The following NT5DC1 variants were observed in gnomAD, a reference collection of about 807,000 sequenced individuals.
NT5DC1 encodes the protein 5'-nucleotidase domain containing 1.
NT5DC1 carries 42 observed loss-of-function variants against 59.4 expected under a neutral mutation model. That is an observed-to-expected ratio of 0.71 (90% CI 0.55 to 0.92). The LOEUF is 0.92. NT5DC1 is among the 40% of genes least tolerant of loss of function. The probability of loss-of-function intolerance (pLI) is 0.00; values close to 1 mark genes in which losing one functional copy is unlikely to be tolerated. For synonymous variants in NT5DC1, 172 were observed against 188.1 expected, an observed-to-expected ratio of 0.91 and a Z score of 0.70; for missense variants, 501 against 537.1, an observed-to-expected ratio of 0.93 and a Z score of 0.66.
chr6:116,223,269 A>G, intron 8 of NT5DC1, 138 bp downstream of exon 8: 1 of 524,410 alleles, frequency 1.9e-6, no homozygotes, highest in Non-Finnish European at 3.4e-6. Context: ...TGTTTGTATT[A>G]AATTTTATGC....
At chr6:116,106,211 T>C (rs1778763503) in intron 1 of NT5DC1, 33 bp from the exon 2 acceptor site, 1 of 1,014,286 alleles carries the variant, frequency 9.9e-7, no homozygotes, top group African/African-American at 1.6e-5. Context: ...GTGGGTGTTA[T>C]ATTTAATCTG....
chr6:116,169,061 A>C (rs1780546037), intron 6 of NT5DC1, among the ~76,000 whole-genome samples: 2 of 152,170 alleles, frequency 1.3e-5, no homozygotes, highest in South Asian at 2.1e-4. Flanking sequence ...TTGTCCTCCA[A>C]GCCTCTTGAA....
intron 6 of NT5DC1, among the ~76,000 whole-genome samples, chr6:116,202,402 T>G (rs984490782): frequency 1.3e-5 from 2 of 152,018 alleles, no homozygotes; most frequent in African/African-American, 4.8e-5. Flanking sequence ...TAAAATTCAC[T>G]GAGTTTTGTT....
chr6:116,162,508 G>GT lies in NT5DC1; in HGVS notation c.529+44569dup, dbSNP rs774693774. On this transcript the variant is annotated intron_variant, in intron 6 of 11. Coordinates refer to ENST00000319550, the MANE Select transcript of NT5DC1 (RefSeq NM_152729.3). ...GAAGAGATGTTGGATTTTATTGCAT[G>GT]TTTTTTCTGCATATTGAGATGATCA... is the stretch of plus-strand genomic sequence containing the variant. Among the ~76,000 whole-genome samples, 10 of 152,200 alleles carry GT rather than the reference G, an allele frequency of 6.6e-5. No homozygotes were observed. The East Asian group carries it at 1.2e-3, about 18-fold the overall frequency.
At chr6:116,139,264 C>T (rs1779704218) in intron 6 of NT5DC1, among the ~76,000 whole-genome samples, 2 of 152,054 alleles carry the variant, frequency 1.3e-5, no homozygotes, top group Non-Finnish European at 2.9e-5. Flanking sequence ...CTACTAGTAA[C>T]AATTTGTGGG....
At chr6:116,137,423 A>C (rs1779638024) in intron 6 of NT5DC1, 1 of 158,258 alleles carries the variant, frequency 6.3e-6, no homozygotes, top group African/African-American at 2.4e-5. Context: ...CCAGCTTCAG[A>C]ATCTTCTCAC....
chr6:116,158,508 C>T (rs895366442), intron 6 of NT5DC1: 5 of 152,172 alleles, frequency 3.3e-5, no homozygotes, highest in Non-Finnish European at 5.9e-5. Context: ...TTTATCTCTT[C>T]AGAGAAATTA....
Position 116,223,146 on chromosome 6 carries a change from G to A in NT5DC1, c.802+15G>A, listed in dbSNP as rs758663900. ...CCGGACACTCGGTAAGTTACATTTG[G>A]TTTCTTTCTTTTCCTGTATACAGTT... On this transcript the variant is annotated intron_variant, in intron 8 of 11. Transcript: ENST00000319550. 6 of 1,440,138 alleles carry A rather than the reference G, an allele frequency of 4.2e-6. No homozygotes were observed. The highest frequency in any genetic ancestry group is 5.9e-6 in the Non-Finnish European group (6 of 1,024,774). 89.2% of individuals were successfully genotyped at this position (1,440,138 alleles called of 1,614,324 possible). A position where few individuals can be genotyped will look rare whatever the true frequency, so the allele number is the denominator to read the frequency against.
chr6:116,242,990 C>G (rs982525488), intron 11 of NT5DC1, among the ~76,000 whole-genome samples: 1 of 152,106 alleles, frequency 6.6e-6, no homozygotes, highest in Non-Finnish European at 1.5e-5. Context: ...CTCCTCTCTC[C>G]GCTGGTTCCT....
intron 6 of NT5DC1, chr6:116,120,916 C>T: frequency 1.9e-6 from 3 of 1,613,932 alleles, no homozygotes; most frequent in South Asian, 1.1e-5. Flanking sequence ...CTGGGTTACC[C>T]TTAGGACCAT....
chr6:116,185,283 T>G (rs1314304324), intron 6 of NT5DC1, among the ~76,000 whole-genome samples: 1 of 152,154 alleles, frequency 6.6e-6, no homozygotes. Flanking sequence ...TGGCCTATCA[T>G]ATGGTCTGTC....
At chr6:116,163,141 A>AAAAATATATATATATAT (rs761718922) in intron 6 of NT5DC1, among the ~76,000 whole-genome samples, 8 of 88,392 alleles carry the variant, frequency 9.1e-5, no homozygotes, top group African/African-American at 4.0e-4. Flanking sequence ...AAAAAAAAAA[A>AAAAATATATATATATAT]ATATATATAT....
rs151327195 is a variant in NT5DC1 at position 116,121,703 on chromosome 6, C to T, written c.529+3758C>T. 227 of 1,613,622 alleles carry T rather than the reference C, an allele frequency of 1.4e-4. 2 individuals are homozygous for T. The African/African-American group carries it at 2.5e-3, about 18-fold the overall frequency. On this transcript the variant is annotated intron_variant, in intron 6 of 11. Transcript: ENST00000319550. ...GATTCCAGGTGGTCCTGGTGGGCCC[C>T]GGGGTCCTGGTAGGCCAGCTGGTCC...
At chr6:116,137,145 T>G (rs1199559245) in intron 6 of NT5DC1, 1 of 202,660 alleles carries the variant, frequency 4.9e-6, no homozygotes. Context: ...TTTTCTGCAG[T>G]CTTGCGTAGA....
At chr6:116,241,921 TCAAAAAAAAAAAAAAAACAAAA>T (rs545178320) in intron 11 of NT5DC1, among the ~76,000 whole-genome samples, 11,110 of 41,540 alleles carry the variant, frequency 0.27, 1,626 homozygotes, top group African/African-American at 0.52. Flanking sequence ...AGACTCCGTC[TCAAAAAAAAAAAAAAAACAAAA>T]CAAAAAAAAA....
At chr6:116,111,041 C>T (rs1778866651) in intron 4 of NT5DC1, 85 bp downstream of exon 4, 1 of 884,008 alleles carries the variant, frequency 1.1e-6, no homozygotes, top group Non-Finnish European at 1.8e-6. Context: ...AAGAAGACCC[C>T]CCTTTCCCCT....
intron 1 of NT5DC1, among the ~76,000 whole-genome samples, chr6:116,102,469 C>T (rs2114894510): frequency 6.6e-6 from 1 of 152,218 alleles, no homozygotes; most frequent in Non-Finnish European, 1.5e-5. Context: ...ACATGTTTTC[C>T]TTCCCTCTGT....
intron 6 of NT5DC1, among the ~76,000 whole-genome samples, chr6:116,152,752 T>C (rs1332721134): frequency 6.6e-6 from 1 of 152,220 alleles, no homozygotes; most frequent in Non-Finnish European, 1.5e-5. Flanking sequence ...TACTTAGGTT[T>C]CCTTTTACAA....
At chr6:116,219,255 C>T (rs778754411) in intron 6 of NT5DC1, among the ~76,000 whole-genome samples, 14 of 152,144 alleles carry the variant, frequency 9.2e-5, no homozygotes, top group Non-Finnish European at 1.6e-4. Context: ...ATATCAGACT[C>T]GTGCTTTGTG....
Sources: gnomAD v4.1 joint callset for allele counts (sites outside exome capture counted in the v4.1 genomes callset) on GRCh38, gnomAD v4.1.1 for gene constraint, MANE v1.5 for transcripts, NCBI Gene and HGNC (gene_info 2026-07-23, HGNC 2026-07-21) for gene names.